HAS3: variants seen among roughly 807,000 people sequenced by gnomAD.
The protein encoded by HAS3 is hyaluronan synthase 3.
In HAS3, 27 loss-of-function variants were observed where a neutral mutation model predicts 50.3. The observed-to-expected ratio is 0.54, with a 90% CI of 0.40 to 0.74. The LOEUF is 0.74. HAS3 is among the 30% of genes least tolerant of loss of function. The pLI, the probability that HAS3 is intolerant of heterozygous loss-of-function variation, is 0.00. For missense variants in HAS3, 517 were observed against 742.8 expected, an observed-to-expected ratio of 0.70 and a Z score of 3.53; for synonymous variants, 339 against 310.9, an observed-to-expected ratio of 1.09 and a Z score of -0.95.
chr16:69,118,225 G>A, downstream of HAS3: 1 of 568,996 alleles, frequency 1.8e-6, no homozygotes, highest in Non-Finnish European at 3.3e-6. Flanking sequence ...TGGATGAGTA[G>A]AGGGGCCTTA....
At chr16:69,093,135 G>C in the HAS3 span, among the ~76,000 whole-genome samples, 1 of 152,196 alleles carries the variant, frequency 6.6e-6, no homozygotes, top group South Asian at 2.1e-4. Context: ...GAAGATTGTT[G>C]CTTTCCCATC....
upstream of HAS3, among the ~76,000 whole-genome samples, chr16:69,105,133 G>A (rs1162598675): frequency 6.7e-6 from 1 of 149,092 alleles, no homozygotes; most frequent in East Asian, 2.1e-4. Context: ...TCAGCCTCCC[G>A]AGTAGCTGGG....
At chr16:69,091,851 C>T in the HAS3 span, among the ~76,000 whole-genome samples, 2 of 152,212 alleles carry the variant, frequency 1.3e-5, no homozygotes, top group East Asian at 3.9e-4. Flanking sequence ...TAGGGTATGC[C>T]TTCTCATGGG....
rs377684635 is a variant in HAS3 at position 69,114,785 on chromosome 16, T to C, written c.1181T>C (p.Ile394Thr). Residue 394 changes from isoleucine to threonine, a missense_variant, in exon 4 of 4, where the codon ATT becomes ACT. Coordinates refer to ENST00000569188, the MANE Select transcript of HAS3 (RefSeq NM_001199280.2). The surrounding 1 kb of genome is among the most constrained non-coding windows in gnomAD (Gnocchi z 6.4). ...VVTGFFPFFL[I>T]ATVIQLFYRG... is the part of the protein sequence containing the mutation. ...ACGGGTTTCTTCCCCTTCTTCCTCA[T>C]TGCCACGGTTATACAGCTTTTCTAC... The C allele has an allele frequency of 3.7e-6, 6 of 1,613,978 alleles. No individual in the cohort carries two copies. The highest frequency in any genetic ancestry group is 2.2e-5 in the East Asian group (1 of 44,882).
At chr16:69,101,232 A>G (rs1336768485), upstream of HAS3, among the ~76,000 whole-genome samples, 3 of 152,212 alleles carry the variant, frequency 2.0e-5, no homozygotes, top group African/African-American at 7.2e-5. Flanking sequence ...TCCTCACAGC[A>G]GCTAGAGGGT....
At chr16:69,103,002 CATGTGTGTGTGTGTGTGT>C (rs2152252572), upstream of HAS3, among the ~76,000 whole-genome samples, 1 of 115,170 alleles carries the variant, frequency 8.7e-6, no homozygotes, top group South Asian at 2.7e-4. Context: ...GTGGAGTGTG[CATGTGTGTGTGTGTGTGT>C]GTGTGTGTGT....
chr16:69,105,395 C>G (rs1243097574), upstream of HAS3, among the ~76,000 whole-genome samples: 1 of 151,916 alleles, frequency 6.6e-6, no homozygotes, highest in African/African-American at 2.4e-5. Flanking sequence ...GAGTCTAGCA[C>G]TATCTTTTAG....
chr16:69,118,451 AGAGAGCAGTGAGCT>A (rs1278932610), downstream of HAS3: 50 of 1,604,202 alleles, frequency 3.1e-5, no homozygotes, highest in Non-Finnish European at 4.1e-5. Flanking sequence ...CCACGTTTCT[AGAGAGCAGTGAGCT>A]GATTCTCCAA....
the HAS3 span, among the ~76,000 whole-genome samples, chr16:69,088,619 G>A: frequency 6.6e-6 from 1 of 151,848 alleles, no homozygotes; most frequent in African/African-American, 2.4e-5. Flanking sequence ...ATGCTATGGA[G>A]AAAATAAAGT....
downstream of HAS3, chr16:69,117,936 C>A: frequency 9.6e-6 from 2 of 209,392 alleles, no homozygotes; most frequent in South Asian, 7.9e-5. Flanking sequence ...AGACTGTAGC[C>A]AAGCTGAAAC....
chr16:69,083,657 C>T, the HAS3 span: 29 of 1,556,932 alleles, frequency 1.9e-5, no homozygotes, highest in Admixed American at 7.8e-5. Context: ...ATGGTCCTGC[C>T]GTAGACCTGG....
chr16:69,099,193 G>C, the HAS3 span, among the ~76,000 whole-genome samples: 13 of 151,098 alleles, frequency 8.6e-5, no homozygotes, highest in Non-Finnish European at 1.5e-5. Flanking sequence ...GGATGGTCTC[G>C]ATCTCCTGAC....
rs1961187502 is a variant in HAS3 at position 69,116,514 on chromosome 16, TTA to T, written c.*1250_*1251del. The T allele has an allele frequency of 1.0e-6, 1 of 985,580 alleles. No individual in the cohort carries two copies. Among genetic ancestry groups the T allele is most frequent in the Admixed American group, 6.1e-5 (1 of 16,272 alleles). 61.1% of individuals were successfully genotyped at this position (985,580 alleles called of 1,614,324 possible). ...AAGTGAACTCTCAAATCCAAAATGGTTATCTTTGAGACCATCCATTCTCCTCA... is the reference window on the plus strand; with the variant it reads ...AAGTGAACTCTCAAATCCAAAATGGTTCTTTGAGACCATCCATTCTCCTCA... On this transcript the variant is annotated 3_prime_UTR_variant, in exon 4 of 4. Transcript: ENST00000569188.
intron 2 of HAS3, among the ~76,000 whole-genome samples, chr16:69,113,227 T>A (rs1308371226): frequency 1.3e-5 from 2 of 152,246 alleles, no homozygotes; most frequent in African/African-American, 4.8e-5. Context: ...CCTCTCAGCC[T>A]AGTGGCTGTC....
chr16:69,085,872 C>T, the HAS3 span, among the ~76,000 whole-genome samples: 1 of 152,002 alleles, frequency 6.6e-6, no homozygotes, highest in South Asian at 2.1e-4. Context: ...AGCCACCGTG[C>T]CTGACCTTTA....
rs745597687 is a variant in HAS3 at position 69,109,962 on chromosome 16, G to A, written c.567G>A (p.Lys189=). The A allele has an allele frequency of 1.3e-5, 21 of 1,614,052 alleles. No homozygotes were observed. In the East Asian group the frequency reaches 2.0e-4, roughly 15 times the overall value. ...RASTFSCIMQ[K]WGGKREVMYT... is the part of the protein sequence containing the mutation. ...GCACCTTCTCGTGCATCATGCAGAA[G>A]TGGGGAGGCAAGCGCGAGGTCATGT... The change falls in exon 2 of 4, where the codon AAG becomes AAA. Residue 189 remains lysine, a synonymous_variant. Transcript: ENST00000569188. The surrounding 1 kb of genome is among the most constrained non-coding windows in gnomAD (Gnocchi z 5.3).
At chr16:69,087,551 G>A in the HAS3 span, among the ~76,000 whole-genome samples, 21 of 150,596 alleles carry the variant, frequency 1.4e-4, no homozygotes, top group African/African-American at 5.1e-4. Context: ...TTGCTTTGTT[G>A]TTGCTTTTTT....
chr16:69,111,799 G>A (rs988607566), intron 2 of HAS3, among the ~76,000 whole-genome samples: 1 of 152,144 alleles, frequency 6.6e-6, no homozygotes, highest in Non-Finnish European at 1.5e-5. Context: ...AAGCCCTTGA[G>A]CCCTGGCACA....
Position 69,115,404 on chromosome 16 carries a change from A to G in HAS3, c.*138A>G. 1 of 1,388,916 alleles carries G rather than the reference A, an allele frequency of 7.2e-7. No homozygotes were observed. Among genetic ancestry groups the G allele is most frequent in the South Asian group, 1.8e-5 (1 of 54,364 alleles). The allele number at this position is 1,388,916 out of a possible 1,614,324, so 86.0% of individuals were successfully genotyped here. ...GGTCCAAAGGACAAATCTAAAATGC[A>G]AAGAACGGTGATGTAGTATGGCCTG... On this transcript the variant is annotated 3_prime_UTR_variant, in exon 4 of 4. Transcript: ENST00000569188.
Sources: allele counts gnomAD v4.1 joint callset (sites outside exome capture counted in the v4.1 genomes callset), GRCh38; gene constraint gnomAD v4.1.1; non-coding constraint Gnocchi (gnomAD v3.1); transcripts MANE v1.5; gene names NCBI Gene and HGNC (gene_info 2026-07-23, HGNC 2026-07-21).